PNKD: variants seen among roughly 807,000 people sequenced by gnomAD.
PNKD encodes probable thioesterase PNKD.
In PNKD, 36 loss-of-function variants were observed where a neutral mutation model predicts 45.3. The ratio of observed to expected loss-of-function variants is 0.80; its 90% CI spans 0.61 to 1.05. The LOEUF is 1.05. Ranked by LOEUF, PNKD falls within the 50% of genes least tolerant of loss-of-function variation. PNKD has a pLI of 0.00. For synonymous variants in PNKD, 197 were observed against 210.1 expected (o/e 0.94, Z 0.54); for missense variants, 511 against 506.6 (o/e 1.01, Z -0.08).
At chr2:218,301,426 C>G (rs552729029) in intron 2 of PNKD, among the ~76,000 whole-genome samples, 1 of 152,224 alleles carries the variant, frequency 6.6e-6, no homozygotes, top group South Asian at 2.1e-4. Context: ...GCGGTTGGAA[C>G]AAGCCACAAT....
rs150789373 is a variant in PNKD at position 218,300,152 on chromosome 2, A to G, written c.236+28603A>G. 3.4e-3 allele frequency among the ~76,000 whole-genome samples: 524 copies of G among 152,184 alleles called. 5 individuals are homozygous for G. The highest frequency in any genetic ancestry group is 9.7e-3 in the African/African-American group (404 of 41,508). On this transcript the variant is annotated intron_variant, in intron 2 of 9. Transcript: ENST00000273077. ...CTCCTTTGCATGCAGCCTCAACTCT[A>G]CCTTATGGTTCTCAGCAGCAAAATC... is the stretch of plus-strand genomic sequence containing the variant.
intron 2 of PNKD, chr2:218,287,356 A>C (rs1033565934): frequency 2.0e-5 from 3 of 152,140 alleles, no homozygotes; most frequent in Non-Finnish European, 2.9e-5. Flanking sequence ...CCCTCTCCCA[A>C]GGAGGGGCCA....
chr2:218,302,166 G>A (rs1450624552), intron 2 of PNKD, among the ~76,000 whole-genome samples: 5 of 152,112 alleles, frequency 3.3e-5, no homozygotes, highest in Admixed American at 1.3e-4. Flanking sequence ...TGGCTAACAC[G>A]GTGAAACCTG....
chr2:218,332,147 T>A (rs1382877147), intron 2 of PNKD, among the ~76,000 whole-genome samples: 1 of 152,188 alleles, frequency 6.6e-6, no homozygotes, highest in Non-Finnish European at 1.5e-5. Context: ...AATGCGGCGC[T>A]TTAGGAACTT....
At chr2:218,280,104 C>T in intron 2 of PNKD, 1 of 1,614,102 alleles carries the variant, frequency 6.2e-7, no homozygotes, top group Non-Finnish European at 8.5e-7. Flanking sequence ...CTCTCTCCTC[C>T]CCATCATAGC....
intron 2 of PNKD, among the ~76,000 whole-genome samples, chr2:218,320,529 C>A (rs561286313): frequency 6.6e-6 from 1 of 152,302 alleles, no homozygotes; most frequent in South Asian, 2.1e-4. Flanking sequence ...GATTGTGCCA[C>A]TGCACTCCAG....
chr2:218,340,684 C>G lies in PNKD; in HGVS notation c.466-44C>G, dbSNP rs1694645150. The G allele has an allele frequency of 6.7e-7, 1 of 1,496,202 alleles. No homozygotes were observed. Among genetic ancestry groups the G allele is most frequent in the Non-Finnish European group, 9.3e-7 (1 of 1,072,596 alleles). The allele number at this position is 1,496,202 out of a possible 1,614,324, so 92.7% of individuals were successfully genotyped here. A position where few individuals can be genotyped will look rare whatever the true frequency, so the allele number is the denominator to read the frequency against. ...CTGGCTCTTGCTGCTTCAAGTGCCT[C>G]TTGCATCCTGCTCCCCAGTCTCCAA... On this transcript the variant is annotated intron_variant, in intron 4 of 9. Transcript: ENST00000273077. The surrounding 1 kb of genome is among the most constrained non-coding windows in gnomAD (Gnocchi z 4.2).
intron 2 of PNKD, among the ~76,000 whole-genome samples, chr2:218,297,486 G>A (rs933114822): frequency 2.0e-5 from 3 of 151,736 alleles, no homozygotes; most frequent in Non-Finnish European, 4.4e-5. Flanking sequence ...GTTAGAGACC[G>A]GCCTGGCTAA....
At chr2:218,310,411 A>G (rs1459964380) in intron 2 of PNKD, among the ~76,000 whole-genome samples, 8 of 150,980 alleles carry the variant, frequency 5.3e-5, no homozygotes, top group African/African-American at 1.9e-4. Flanking sequence ...TTTAGTAGAG[A>G]TGGGGTTTCA....
intron 2 of PNKD, among the ~76,000 whole-genome samples, chr2:218,338,987 A>G (rs1278674745): frequency 2.0e-5 from 3 of 149,824 alleles, no homozygotes; most frequent in Non-Finnish European, 4.5e-5. Context: ...TAGAGACCCT[A>G]TAGGGCACAA....
chr2:218,321,629 T>C (rs1474695775), intron 2 of PNKD, among the ~76,000 whole-genome samples: 1 of 59,692 alleles, frequency 1.7e-5, no homozygotes, highest in African/African-American at 7.0e-5. Context: ...TTGACTTTTT[T>C]TTTTTTTTTT....
chr2:218,292,298 C>T (rs1055882338), intron 2 of PNKD, among the ~76,000 whole-genome samples: 8 of 152,148 alleles, frequency 5.3e-5, no homozygotes, highest in Non-Finnish European at 1.5e-5. Context: ...ACGCCAAGGG[C>T]CAGGAGGGGA....
intron 2 of PNKD, among the ~76,000 whole-genome samples, chr2:218,311,872 G>T (rs1464958842): frequency 1.3e-5 from 2 of 152,240 alleles, no homozygotes; most frequent in Admixed American, 6.5e-5. Context: ...GGCTGTCTCA[G>T]TTGGGGGAAA....
rs1281998266 is a variant in PNKD at position 218,271,392 on chromosome 2, G to A, written c.79G>A (p.Gly27Arg). The change falls in exon 2 of 10, where the codon GGA becomes AGA. Residue 27 changes from glycine (G) to arginine (R), a missense_variant. Transcript: ENST00000273077. ...NARVLRGILAGATANKASHNR... is the reference protein window; with the variant it reads ...NARVLRGILARATANKASHNR... ...ACCTCCATCCACAGGGATTCTCGCAGGAGCCACAGCTAACAAGGCTTCTCA... is the reference window on the plus strand; with the variant it reads ...ACCTCCATCCACAGGGATTCTCGCAAGAGCCACAGCTAACAAGGCTTCTCA... The A allele has an allele frequency of 3.7e-6, 6 of 1,613,626 alleles. No homozygotes were observed. The highest frequency in any genetic ancestry group is 5.1e-6 in the Non-Finnish European group (6 of 1,179,708).
rs979496184 is a variant in PNKD at position 218,281,890 on chromosome 2, C to G, written c.236+10341C>G. On this transcript the variant is annotated intron_variant, in intron 2 of 9. Coordinates refer to ENST00000273077, the MANE Select transcript of PNKD (RefSeq NM_015488.5). ...GCAGGAGGCGGTGGCCTCATCTGCT[C>G]CAAGTGCTGTCCCTCCCACCCACCT... 8 of 1,484,736 alleles carry G rather than the reference C, an allele frequency of 5.4e-6. No individual in the cohort carries two copies. In the East Asian group the frequency reaches 9.9e-5, roughly 18 times the overall value. 92.0% of individuals were successfully genotyped at this position (1,484,736 alleles called of 1,614,324 possible).
rs1329438591 is a variant in PNKD, at chr2:218,344,566, G to T, written c.980G>T (p.Gly327Val). 3.1e-6 allele frequency: 5 copies of T among 1,588,708 alleles called. No individual in the cohort carries two copies. Among genetic ancestry groups the T allele is most frequent in the Non-Finnish European group, 4.3e-6 (5 of 1,167,414 alleles). The change falls in exon 9 of 10, where the codon GGC (glycine) becomes GTC (valine). Residue 327 changes from glycine (G) to valine (V), a missense_variant. Coordinates refer to ENST00000273077, the MANE Select transcript of PNKD (RefSeq NM_015488.5). ...WVQRQRLERK[G>V]TCPSTLGEER... ...CAGCGGCAGCGGCTGGAGCGCAAGG[G>T]CACGGTGAGGGACTCGGGGTCCAGG...
At chr2:218,328,226 G>A (rs1325321694) in intron 2 of PNKD, among the ~76,000 whole-genome samples, 5 of 152,102 alleles carry the variant, frequency 3.3e-5, no homozygotes, top group Non-Finnish European at 7.4e-5. Context: ...TCTGCCGGTC[G>A]TAATCCCAGG....
intron 2 of PNKD, chr2:218,272,684 C>T (rs758621637): frequency 3.1e-6 from 5 of 1,614,180 alleles, no homozygotes; most frequent in Admixed American, 3.3e-5. Context: ...CCAACACGGG[C>T]GAGTATGAGA....
At chr2:218,339,589 G>A (rs1199766451) in intron 2 of PNKD, among the ~76,000 whole-genome samples, 194 bp from the exon 3 acceptor site, 1 of 152,088 alleles carries the variant, frequency 6.6e-6, no homozygotes, top group Non-Finnish European at 1.5e-5. Flanking sequence ...AGTTCTAGGT[G>A]TGTCCGTCTC....
Sources: allele counts gnomAD v4.1 joint callset (sites outside exome capture counted in the v4.1 genomes callset), GRCh38; gene constraint gnomAD v4.1.1; non-coding constraint Gnocchi (gnomAD v3.1); transcripts MANE v1.5; gene names NCBI Gene and HGNC (gene_info 2026-07-23, HGNC 2026-07-21).